The following CCSER1 variants were observed in gnomAD, a reference collection of about 807,000 sequenced individuals.
The protein encoded by CCSER1 is coiled-coil serine rich protein 1, also known as serine-rich coiled-coil domain-containing protein 1.
Under a neutral mutation model 82.0 loss-of-function variants are expected in CCSER1, and 41 were observed. The observed-to-expected ratio is 0.50, with a 90% confidence interval of 0.39 to 0.65. The LOEUF (loss-of-function observed/expected upper bound fraction) is 0.65. Ranked by LOEUF, CCSER1 falls within the 30% of genes least tolerant of loss-of-function variation. CCSER1 has a pLI of 0.00. For missense variants in CCSER1, 1,119 were observed against 1,064.2 expected (o/e 1.05, Z -0.72); for synonymous variants, 414 against 383.9 (o/e 1.08, Z -0.92).
chr4:90,980,216 T>C (rs1169900464), intron 9 of CCSER1, among the ~76,000 whole-genome samples: 1 of 151,814 alleles, frequency 6.6e-6, no homozygotes, highest in African/African-American at 2.4e-5. Flanking sequence ...GTTCCAAAAA[T>C]GCAAGCTATG....
intron 10 of CCSER1, among the ~76,000 whole-genome samples, chr4:91,441,089 A>G (rs1755101145): frequency 1.3e-5 from 2 of 152,156 alleles, no homozygotes; most frequent in Admixed American, 1.3e-4. Context: ...CAATCAATAG[A>G]AAAAGAGGGA....
At chr4:90,803,679 T>C (rs4496548) in intron 7 of CCSER1, among the ~76,000 whole-genome samples, 51,735 of 151,994 alleles carry the variant, frequency 0.34, 9,016 homozygotes, top group East Asian at 0.42. Context: ...CATATGTGTG[T>C]GTGTGTCTTT....
chr4:90,208,055 G>A (rs1739244867), intron 1 of CCSER1, among the ~76,000 whole-genome samples: 1 of 152,198 alleles, frequency 6.6e-6, no homozygotes, highest in East Asian at 1.9e-4. Flanking sequence ...TCTCTTCAGA[G>A]GCTGCAGGCA....
intron 1 of CCSER1, among the ~76,000 whole-genome samples, chr4:90,183,826 G>C (rs1213679640): frequency 6.6e-6 from 1 of 152,078 alleles, no homozygotes; most frequent in Non-Finnish European, 1.5e-5. Context: ...AAATATTTGA[G>C]TGAACTTCCT....
chr4:90,349,225 T>A (rs1742983247), intron 3 of CCSER1, among the ~76,000 whole-genome samples: 1 of 152,156 alleles, frequency 6.6e-6, no homozygotes, highest in African/African-American at 2.4e-5. Context: ...AATTATTTTT[T>A]AAATCATATC....
intron 8 of CCSER1, among the ~76,000 whole-genome samples, chr4:90,842,056 T>A (rs1488641242): frequency 1.3e-5 from 2 of 152,168 alleles, no homozygotes; most frequent in African/African-American, 4.8e-5. Context: ...AAAACACAGC[T>A]TGGCATTAGT....
At chr4:91,170,393 A>G (rs919454457) in intron 10 of CCSER1, among the ~76,000 whole-genome samples, 20 of 152,202 alleles carry the variant, frequency 1.3e-4, no homozygotes, top group Non-Finnish European at 2.9e-4. Flanking sequence ...GAAGCAAAAA[A>G]TGACAGAGAC....
chr4:91,151,147 G>A (rs1376344076), intron 10 of CCSER1, among the ~76,000 whole-genome samples: 1 of 152,026 alleles, frequency 6.6e-6, no homozygotes, highest in Non-Finnish European at 1.5e-5. Flanking sequence ...CAATTTCAGA[G>A]TCTGTTAGTG....
intron 10 of CCSER1, among the ~76,000 whole-genome samples, chr4:91,534,902 T>G (rs1171604997): frequency 6.6e-6 from 1 of 151,818 alleles, no homozygotes; most frequent in Non-Finnish European, 1.5e-5. Flanking sequence ...AATCCAACAT[T>G]CTTCTATTCC....
At chr4:91,389,305 T>C (rs151007106) in intron 10 of CCSER1, among the ~76,000 whole-genome samples, 58 of 152,162 alleles carry the variant, frequency 3.8e-4, no homozygotes, top group Non-Finnish European at 6.8e-4. Flanking sequence ...GTTGTCCAGT[T>C]TTTCCAGCAC....
intron 5 of CCSER1, among the ~76,000 whole-genome samples, chr4:90,494,766 A>T (rs888947005): frequency 2.6e-4 from 40 of 152,148 alleles, no homozygotes; most frequent in African/African-American, 8.9e-4. Flanking sequence ...TACTAAATCA[A>T]CTCCCTATAC....
At chr4:90,735,937 A>T (rs1271305341) in intron 7 of CCSER1, among the ~76,000 whole-genome samples, 1 of 151,868 alleles carries the variant, frequency 6.6e-6, no homozygotes, top group Non-Finnish European at 1.5e-5. Flanking sequence ...CAATTTTTAA[A>T]TTTTTTTCTT....
intron 1 of CCSER1, among the ~76,000 whole-genome samples, chr4:90,285,893 T>A (rs752474702): frequency 1.3e-5 from 2 of 151,980 alleles, no homozygotes; most frequent in Non-Finnish European, 2.9e-5. Context: ...ATTGAAATGA[T>A]CATGTGTTTT....
At chr4:91,190,247 T>A (rs998238316) in intron 10 of CCSER1, among the ~76,000 whole-genome samples, 1 of 152,206 alleles carries the variant, frequency 6.6e-6, no homozygotes, top group Non-Finnish European at 1.5e-5. Context: ...ACCAGATACA[T>A]GTTATTTGGT....
At chr4:90,865,957 G>A (rs1424308003) in intron 8 of CCSER1, among the ~76,000 whole-genome samples, 2 of 151,990 alleles carry the variant, frequency 1.3e-5, no homozygotes, top group Non-Finnish European at 2.9e-5. Context: ...AGGTGAAGGG[G>A]AAGCAGGCAT....
intron 3 of CCSER1, among the ~76,000 whole-genome samples, chr4:90,393,058 A>T (rs750473763): frequency 2.0e-5 from 3 of 152,184 alleles, no homozygotes; most frequent in Non-Finnish European, 4.4e-5. Flanking sequence ...AACTGTATGT[A>T]CCCAGTCTAT....
intron 5 of CCSER1, among the ~76,000 whole-genome samples, chr4:90,568,496 T>G (rs934777804): frequency 6.6e-6 from 1 of 152,330 alleles, no homozygotes; most frequent in African/African-American, 2.4e-5. Flanking sequence ...CTCTTTTGGT[T>G]TCCACTGCAG....
chr4:91,502,487 G>A (rs1397274514), intron 10 of CCSER1, among the ~76,000 whole-genome samples: 1 of 152,118 alleles, frequency 6.6e-6, no homozygotes, highest in Non-Finnish European at 1.5e-5. Flanking sequence ...AGCATTTCTT[G>A]TTTTCCAAGC....
chr4:90,937,864 C>T (rs2150318217), intron 9 of CCSER1, among the ~76,000 whole-genome samples: 1 of 152,192 alleles, frequency 6.6e-6, no homozygotes, highest in South Asian at 2.1e-4. Context: ...TCTATTTAAC[C>T]TACCTTTACA....
Sources: gnomAD v4.1 joint callset for allele counts (sites outside exome capture counted in the v4.1 genomes callset) on GRCh38, gnomAD v4.1.1 for gene constraint, MANE v1.5 for transcripts, NCBI Gene and HGNC (gene_info 2026-07-23, HGNC 2026-07-21) for gene names.